Variants in PRKAR2B observed in about 807,000 individuals in gnomAD.
PRKAR2B encodes cAMP-dependent protein kinase type II-beta regulatory subunit.
PRKAR2B carries 14 observed loss-of-function variants against 49.9 expected under a neutral mutation model. The ratio of observed to expected loss-of-function variants is 0.28; its 90% CI spans 0.19 to 0.44. PRKAR2B has a LOEUF of 0.44. Among genes scored for constraint, PRKAR2B ranks in the 20% least tolerant of loss-of-function variants. The probability of loss-of-function intolerance (pLI) is 1.00; values close to 1 mark genes in which losing one functional copy is unlikely to be tolerated. For missense variants in PRKAR2B, 393 were observed against 537.9 expected (o/e 0.73, Z 2.67); for synonymous variants, 196 against 197.7 (o/e 0.99, Z 0.07).
intron 8 of PRKAR2B, among the ~76,000 whole-genome samples, chr7:107,153,624 C>A (rs1255347300): frequency 6.6e-6 from 1 of 152,154 alleles, no homozygotes; most frequent in African/African-American, 2.4e-5. Context: ...CCTGAGGCTG[C>A]TCCTTGATAA....
rs140947247 is a variant in PRKAR2B at position 107,064,019 on chromosome 7, G to A, written c.308-6262G>A. Among the ~76,000 whole-genome samples, 9 of 152,098 alleles carry A rather than the reference G, an allele frequency of 5.9e-5. No individual in the cohort carries two copies. In the East Asian group the frequency reaches 9.7e-4, roughly 16 times the overall value. The stretch of plus-strand genomic sequence containing the variant: ...GAGAAGCAGAAAGTGAATTTATATC[G>A]TCTTGACAGTGGCGTTTCCCACTCC... On this transcript the variant is annotated intron_variant, in intron 1 of 10. Transcript: ENST00000265717.
intron 1 of PRKAR2B, among the ~76,000 whole-genome samples, chr7:107,064,306 T>G (rs1794088084): frequency 1.3e-5 from 2 of 152,216 alleles, no homozygotes; most frequent in Admixed American, 6.5e-5. Flanking sequence ...ATTACTTTCA[T>G]GTTCTAAAGT....
At chr7:107,057,742 C>T (rs1441045271) in intron 1 of PRKAR2B, among the ~76,000 whole-genome samples, 1 of 151,822 alleles carries the variant, frequency 6.6e-6, no homozygotes, top group Non-Finnish European at 1.5e-5. Flanking sequence ...CAGTACCTGG[C>T]ATACGCTAAG....
chr7:107,122,772 C>T (rs992394107), intron 3 of PRKAR2B, among the ~76,000 whole-genome samples: 10 of 152,148 alleles, frequency 6.6e-5, no homozygotes, highest in Non-Finnish European at 1.5e-4. Context: ...GTCCCTAAGT[C>T]GTTACATCAT....
chr7:107,067,488 T>C (rs918039207), intron 1 of PRKAR2B, among the ~76,000 whole-genome samples: 1 of 152,122 alleles, frequency 6.6e-6, no homozygotes, highest in Admixed American at 6.6e-5. Context: ...AAAATGAAAA[T>C]CATAGACTTA....
intron 2 of PRKAR2B, among the ~76,000 whole-genome samples, chr7:107,109,953 A>C (rs996658219): frequency 5.3e-5 from 8 of 152,168 alleles, no homozygotes; most frequent in Admixed American, 3.9e-4. Context: ...AAGAACCAAA[A>C]TCAGGTGAGC....
intron 2 of PRKAR2B, among the ~76,000 whole-genome samples, chr7:107,119,876 G>A (rs1171196788): frequency 1.3e-5 from 2 of 152,184 alleles, no homozygotes; most frequent in Admixed American, 6.6e-5. Context: ...TGCATGACTG[G>A]TCCATTCCTG....
chr7:107,128,641 A>G, intron 4 of PRKAR2B: 1 of 190,330 alleles, frequency 5.3e-6, no homozygotes, highest in Non-Finnish European at 1.1e-5. Flanking sequence ...CTTCGTACCC[A>G]TCAGGAATAT....
chr7:107,057,716 G>T lies in PRKAR2B; in HGVS notation c.307+12502G>T, dbSNP rs576241227. 5.3e-5 allele frequency among the ~76,000 whole-genome samples: 8 copies of T among 151,920 alleles called. No individual in the cohort carries two copies. In the South Asian group the frequency reaches 1.7e-3, roughly 32 times the overall value. On this transcript the variant is annotated intron_variant, in intron 1 of 10. Transcript: ENST00000265717. ...TACCTATCTCAGAGGGATGTTTTGAGAATTAAATGAATTAACAGTACCTGG... is the reference window on the plus strand; with the variant it reads ...TACCTATCTCAGAGGGATGTTTTGATAATTAAATGAATTAACAGTACCTGG...
Position 107,151,161 on chromosome 7 carries a change from T to C in PRKAR2B, c.843+138T>C, listed in dbSNP as rs1795979251. On this transcript the variant is annotated intron_variant, in intron 7 of 10. Transcript: ENST00000265717. ...TTTATTTGAAAAGATTAAATGGTAGTGCTAATTTTTATAACTCATTGTTTC... is the reference window on the plus strand; with the variant it reads ...TTTATTTGAAAAGATTAAATGGTAGCGCTAATTTTTATAACTCATTGTTTC... 5.0e-5 allele frequency: 26 copies of C among 516,814 alleles called. 1 individual carries two copies. In the South Asian group the frequency reaches 8.7e-4, roughly 17 times the overall value. 32.0% of individuals were successfully genotyped at this position (516,814 alleles called of 1,614,324 possible). A position where few individuals can be genotyped will look rare whatever the true frequency, so the allele number is the denominator to read the frequency against.
At chr7:107,156,064 A>G (rs902535081) in intron 8 of PRKAR2B, among the ~76,000 whole-genome samples, 8 of 152,134 alleles carry the variant, frequency 5.3e-5, no homozygotes, top group Non-Finnish European at 2.9e-5. Flanking sequence ...ATAAGAACAC[A>G]TGGACACAGG....
At position 107,081,837 on chromosome 7, in the gene PRKAR2B, T is replaced by C. The variant is rs1794520899; in HGVS notation, c.343+11521T>C. On this transcript the variant is annotated intron_variant, in intron 2 of 10. Coordinates refer to ENST00000265717, the MANE Select transcript of PRKAR2B (RefSeq NM_002736.3). ...GCTTAAATGATAGTGTTGTTAGACG[T>C]GTTTCAAGGAATTACAAAATGTTGT... is the stretch of plus-strand genomic sequence containing the variant. 3.3e-5 allele frequency: 5 copies of C among 152,312 alleles called. No individual in the cohort carries two copies. The South Asian group carries it at 1.0e-3, about 32-fold the overall frequency. The allele number at this position is 152,312 out of a possible 1,614,324, so 9.4% of individuals were successfully genotyped here. A position where few individuals can be genotyped will look rare whatever the true frequency, so the allele number is the denominator to read the frequency against.
chr7:107,058,065 A>T (rs981547223), intron 1 of PRKAR2B, among the ~76,000 whole-genome samples: 2 of 84,296 alleles, frequency 2.4e-5, no homozygotes, highest in East Asian at 5.1e-4. Context: ...AAAAAAAAGT[A>T]AAAAAAAAAA....
intron 2 of PRKAR2B, among the ~76,000 whole-genome samples, chr7:107,082,330 A>T (rs1051129156): frequency 2.6e-5 from 4 of 152,084 alleles, no homozygotes; most frequent in Non-Finnish European, 4.4e-5. Context: ...TTACTTGCTT[A>T]TATTTATCAT....
In PRKAR2B at chr7:107,150,972, A is replaced by C. The variant is rs1271963939; in HGVS notation, c.792A>C (p.Arg264Ser). ...RIIVKNNAKK[R>S]KMYESFIESL... ...TTGTGAAAAACAATGCCAAAAAGAGAAAAATGTATGAAAGCTTTATTGAGT... is the reference window on the plus strand; with the variant it reads ...TTGTGAAAAACAATGCCAAAAAGAGCAAAATGTATGAAAGCTTTATTGAGT... Residue 264 changes from arginine to serine, a missense_variant, in exon 7 of 11, where the codon AGA becomes AGC. Coordinates refer to ENST00000265717, the MANE Select transcript of PRKAR2B (RefSeq NM_002736.3). 3 of 1,600,632 alleles carry C rather than the reference A, an allele frequency of 1.9e-6. No individual in the cohort carries two copies. The highest frequency in any genetic ancestry group is 2.6e-6 in the Non-Finnish European group (3 of 1,174,436).
At chr7:107,128,120 T>C (rs1024270443) in intron 3 of PRKAR2B, 92 bp from the exon 4 acceptor site, 5 of 812,502 alleles carry the variant, frequency 6.2e-6, no homozygotes, top group Admixed American at 2.4e-5. Context: ...TTCTTTCTAA[T>C]GTTGGTTCTG....
chr7:107,157,197 A>G lies in PRKAR2B; in HGVS notation c.996A>G (p.Glu332=), dbSNP rs766235082. 1 of 1,612,786 alleles carries G rather than the reference A, an allele frequency of 6.2e-7. No individual in the cohort carries two copies. The highest frequency in any genetic ancestry group is 8.5e-7 in the Non-Finnish European group (1 of 1,179,330). Reference sequence around the variant, plus strand: ...AATTGCCTTGTCAGGGTAAATCAGAAGTGGAAGAGAATGGTGCAGTAGAAA... The same window carrying G: ...AATTGCCTTGTCAGGGTAAATCAGAGGTGGAAGAGAATGGTGCAGTAGAAA... The part of the protein sequence containing the change: ...KITMKRKGKS[E]VEENGAVEIA... The change falls in exon 10 of 11, where the codon GAA becomes GAG. Residue 332 remains glutamate, a synonymous_variant. Transcript: ENST00000265717.
In PRKAR2B at chr7:107,141,488, C is replaced by T. The variant is rs566262169; in HGVS notation, c.587+535C>T. 1.3e-3 allele frequency among the ~76,000 whole-genome samples: 199 copies of T among 152,220 alleles called. 1 individual carries two copies. The highest frequency in any genetic ancestry group is 4.6e-3 in the African/African-American group (190 of 41,538). On this transcript the variant is annotated intron_variant, in intron 5 of 10. Transcript: ENST00000265717. ...AGTGGATCACTTGAGGTCAGGAGTT[C>T]AAGACCAGCCTGACCAACATGGTGA...
intron 2 of PRKAR2B, among the ~76,000 whole-genome samples, chr7:107,102,752 C>A (rs1794996714): frequency 6.6e-6 from 1 of 152,182 alleles, no homozygotes; most frequent in Non-Finnish European, 1.5e-5. Flanking sequence ...CTCATTGCAA[C>A]CTCTGCCTCC....
Sources: allele counts gnomAD v4.1 joint callset (sites outside exome capture counted in the v4.1 genomes callset), GRCh38; gene constraint gnomAD v4.1.1; transcripts MANE v1.5; gene names NCBI Gene and HGNC (gene_info 2026-07-23, HGNC 2026-07-21).